The following ZNF749 variants were observed in gnomAD, a reference collection of about 807,000 sequenced individuals.
ZNF749 encodes the protein zinc finger protein 749.
Under a neutral mutation model 7.3 loss-of-function variants are expected in ZNF749, and 8 were observed. The observed-to-expected ratio is 1.10, with a 90% confidence interval of 0.64 to 1.98. ZNF749 has a LOEUF of 1.98. Ranked by LOEUF, ZNF749 falls within the 30% of genes most tolerant of loss-of-function variation. ZNF749 has a pLI of 0.00. For synonymous variants in ZNF749, 310 were observed against 322.4 expected (o/e 0.96, Z 0.41); for missense variants, 898 against 932.4 (o/e 0.96, Z 0.48).
At position 57,442,519 on chromosome 19, in the gene ZNF749, C is replaced by T. The variant is rs1435033267; in HGVS notation, c.142+508C>T. On this transcript the variant is annotated intron_variant, in intron 2 of 2. Coordinates refer to ENST00000334181, the MANE Select transcript of ZNF749 (RefSeq NM_001023561.4). This position sits in a 1 kb window ranked among gnomAD's most constrained non-coding sequence, Gnocchi z 6.6. ...TTATTGCTCTGTGTACATGCTGTCC[C>T]CTCCCTTTCCCTGCCTTTCCCGTAG... is the stretch of plus-strand genomic sequence containing the variant. Among the ~76,000 whole-genome samples the T allele has an allele frequency of 1.3e-5, 2 of 152,134 alleles. No individual in the cohort carries two copies. The highest frequency in any genetic ancestry group is 2.4e-5 in the African/African-American group (1 of 41,412).
chr19:57,434,452 A>G (rs10411904), upstream of ZNF749, among the ~76,000 whole-genome samples: 49,148 of 151,574 alleles, frequency 0.32, 9,091 homozygotes, highest in African/African-American at 0.51. Flanking sequence ...TTAGATACAA[A>G]CTCTTTCAAC....
Position 57,445,192 on chromosome 19 carries a change from A to AATGTAG in ZNF749, c.2044_2045insATGTAG (p.Thr682delinsAsnValAla), listed in dbSNP as rs749175831. 1.2e-6 allele frequency: 2 copies of AATGTAG among 1,614,170 alleles called. No individual in the cohort carries two copies. The highest frequency in any genetic ancestry group is 2.2e-5 in the South Asian group (2 of 91,082). ...TGGGAAGTTTCTTAGATACCGCTCTACATTCATTAAACATCATAAAGTTTG... is the reference window on the plus strand; with the variant it reads ...TGGGAAGTTTCTTAGATACCGCTCTAATGTAGCATTCATTAAACATCATAAAGTTTG... On this transcript the variant is annotated protein_altering_variant, in exon 3 of 3. Coordinates refer to ENST00000334181, the MANE Select transcript of ZNF749 (RefSeq NM_001023561.4).
At position 57,435,372 on chromosome 19, in the gene ZNF749, T is replaced by A; in HGVS notation, c.-207T>A. On this transcript the variant is annotated 5_prime_UTR_variant, in exon 1 of 3. Transcript: ENST00000334181. ...TTGCGTTAGCATGGCTACCTAGGGA[T>A]CTGTTCACTGATTTAGAGGGTCCCA... 1 of 698,750 alleles carries A rather than the reference T, an allele frequency of 1.4e-6. No homozygotes were observed. The highest frequency in any genetic ancestry group is 2.4e-6 in the Non-Finnish European group (1 of 418,972). 43.3% of individuals were successfully genotyped at this position (698,750 alleles called of 1,614,324 possible).
chr19:57,437,813 A>G (rs767641612), intron 1 of ZNF749, among the ~76,000 whole-genome samples: 4 of 152,098 alleles, frequency 2.6e-5, no homozygotes, highest in Non-Finnish European at 5.9e-5. Flanking sequence ...TTAATCCTAT[A>G]GAAAGTAATG....
chr19:57,432,594 G>A (rs368342857), upstream of ZNF749, among the ~76,000 whole-genome samples: 556 of 142,818 alleles, frequency 3.9e-3, 9 homozygotes, highest in African/African-American at 0.014. Context: ...AGGTGGGGGG[G>A]ACTAAACAGA....
intron 1 of ZNF749, 26 bp from the exon 2 acceptor site, chr19:57,441,859 A>G: frequency 6.2e-7 from 1 of 1,613,708 alleles, no homozygotes; most frequent in Non-Finnish European, 8.5e-7. Context: ...AGTTGTTCAT[A>G]GACTGAAGTG....
upstream of ZNF749, among the ~76,000 whole-genome samples, chr19:57,432,432 C>G (rs1184363054): frequency 6.6e-6 from 1 of 151,028 alleles, no homozygotes; most frequent in Admixed American, 6.6e-5. Context: ...TGTGGTGGCA[C>G]GAGCCTGTAG....
chr19:57,445,101 T>C lies in ZNF749; in HGVS notation c.1953T>C (p.Asp651=), dbSNP rs531810343. ...ECSECGKFFR[D]SYKLIIHQRV... is the part of the protein sequence containing the mutation. Reference sequence around the variant, plus strand: ...GTGAATGTGGGAAATTTTTTAGAGATAGCTACAAACTCATTATTCATCAGA... The same window carrying C: ...GTGAATGTGGGAAATTTTTTAGAGACAGCTACAAACTCATTATTCATCAGA... Residue 651 remains aspartate, a synonymous_variant, in exon 3 of 3, where the codon GAT becomes GAC. Coordinates refer to ENST00000334181, the MANE Select transcript of ZNF749 (RefSeq NM_001023561.4). The C allele has an allele frequency of 3.4e-5, 55 of 1,613,360 alleles. 1 individual carries two copies. In the South Asian group the frequency reaches 5.6e-4, roughly 16 times the overall value.
rs978780421 is a variant in ZNF749 at position 57,439,668 on chromosome 19, G to T, written c.16-2217G>T. Among the ~76,000 whole-genome samples the T allele has an allele frequency of 6.6e-6, 1 of 152,124 alleles. No homozygotes were observed. Among genetic ancestry groups the T allele is most frequent in the African/African-American group, 2.4e-5 (1 of 41,406 alleles). The stretch of plus-strand genomic sequence containing the variant: ...GCTAATCGGCGTGCTGAGGCAGGAG[G>T]GTCACCTGAGCCTGGGAAGTAAAGG... On this transcript the variant is annotated intron_variant, in intron 1 of 2. Coordinates refer to ENST00000334181, the MANE Select transcript of ZNF749 (RefSeq NM_001023561.4). The surrounding 1 kb of genome is among the most constrained non-coding windows in gnomAD (Gnocchi z 4.3).
chr19:57,440,811 C>A (rs1487512195), intron 1 of ZNF749, among the ~76,000 whole-genome samples: 2 of 151,796 alleles, frequency 1.3e-5, no homozygotes, highest in African/African-American at 2.4e-5. Flanking sequence ...ATCTGGAGAC[C>A]CCAAGGAAAT....
Position 57,442,684 on chromosome 19 carries a change from G to A in ZNF749, c.143-607G>A, listed in dbSNP as rs1227274510. On this transcript the variant is annotated intron_variant, in intron 2 of 2. Coordinates refer to ENST00000334181, the MANE Select transcript of ZNF749 (RefSeq NM_001023561.4). The surrounding 1 kb of genome is among the most constrained non-coding windows in gnomAD (Gnocchi z 6.6). ...GCCCTGGTGGGTGAAAGCTGGGAAA[G>A]GATGTGATATCAAGGCTGGGTTCAA... 6.6e-6 allele frequency among the ~76,000 whole-genome samples: 1 copy of A among 152,140 alleles called. No individual in the cohort carries two copies. The highest frequency in any genetic ancestry group is 1.5e-5 in the Non-Finnish European group (1 of 68,032).
At position 57,439,643 on chromosome 19, in the gene ZNF749, G is replaced by A. The variant is rs2088968775; in HGVS notation, c.16-2242G>A. ...GTGGTGGCGTCTCTCTGTGGTCTCA[G>A]CTAATCGGCGTGCTGAGGCAGGAGG... On this transcript the variant is annotated intron_variant, in intron 1 of 2. Transcript: ENST00000334181. The surrounding 1 kb of genome is among the most constrained non-coding windows in gnomAD (Gnocchi z 4.3). Among the ~76,000 whole-genome samples the A allele has an allele frequency of 1.3e-5, 2 of 152,042 alleles. No individual in the cohort carries two copies. Among genetic ancestry groups the A allele is most frequent in the African/African-American group, 4.8e-5 (2 of 41,376 alleles).
At position 57,436,607 on chromosome 19, in the gene ZNF749, G is replaced by A. The variant is rs2088938718; in HGVS notation, c.15+1014G>A. 6.6e-6 allele frequency among the ~76,000 whole-genome samples: 1 copy of A among 152,198 alleles called. No individual in the cohort carries two copies. Among genetic ancestry groups the A allele is most frequent in the Non-Finnish European group, 1.5e-5 (1 of 68,038 alleles). Reference sequence around the variant, plus strand: ...TCACTCCACCCTTCTAACTCAGCTGGCCCTGAGGGCCACTCTTTAGGGAAC... The same window carrying A: ...TCACTCCACCCTTCTAACTCAGCTGACCCTGAGGGCCACTCTTTAGGGAAC... On this transcript the variant is annotated intron_variant, in intron 1 of 2. Transcript: ENST00000334181. This position sits in a 1 kb window ranked among gnomAD's most constrained non-coding sequence, Gnocchi z 4.0.
At chr19:57,437,310 A>G (rs2088945129) in intron 1 of ZNF749, among the ~76,000 whole-genome samples, 1 of 152,232 alleles carries the variant, frequency 6.6e-6, no homozygotes, top group Non-Finnish European at 1.5e-5. Flanking sequence ...CACATAGGCA[A>G]TTGGAAATAG....
In ZNF749 at chr19:57,439,883, C is replaced by T. The variant is rs1423079309; in HGVS notation, c.16-2002C>T. On this transcript the variant is annotated intron_variant, in intron 1 of 2. Coordinates refer to ENST00000334181, the MANE Select transcript of ZNF749 (RefSeq NM_001023561.4). The surrounding 1 kb of genome is among the most constrained non-coding windows in gnomAD (Gnocchi z 4.3). ...TCATTGGAGGTGTTCAGGAAGGAGACATCCACTACATGATAGCTGAACTGT... is the reference window on the plus strand; with the variant it reads ...TCATTGGAGGTGTTCAGGAAGGAGATATCCACTACATGATAGCTGAACTGT... Among the ~76,000 whole-genome samples, 2 of 152,154 alleles carry T rather than the reference C, an allele frequency of 1.3e-5. No individual in the cohort carries two copies. The highest frequency in any genetic ancestry group is 2.9e-5 in the Non-Finnish European group (2 of 68,038).
intron 1 of ZNF749, among the ~76,000 whole-genome samples, chr19:57,437,140 G>A (rs1035896401): frequency 5.9e-5 from 9 of 152,120 alleles, no homozygotes; most frequent in Admixed American, 3.9e-4. Flanking sequence ...CAGCTAGTCA[G>A]GAACAGAATG....
Position 57,444,300 on chromosome 19 carries a change from C to T in ZNF749, c.1152C>T (p.Cys384=). The change falls in exon 3 of 3, where the codon TGC becomes TGT. Residue 384 remains cysteine, a synonymous_variant. Transcript: ENST00000334181. ...ATACTGGAGAAAGGCCTTTTGAATGCAGCATATGTGGAAAATTCTTTAGTC... is the reference window on the plus strand; with the variant it reads ...ATACTGGAGAAAGGCCTTTTGAATGTAGCATATGTGGAAAATTCTTTAGTC... The part of the protein sequence containing the change: ...RVHTGERPFE[C]SICGKFFSHR... The T allele has an allele frequency of 6.2e-7, 1 of 1,614,188 alleles. No homozygotes were observed. The highest frequency in any genetic ancestry group is 8.5e-7 in the Non-Finnish European group (1 of 1,180,028).
At position 57,435,412 on chromosome 19, in the gene ZNF749, G is replaced by T; in HGVS notation, c.-167G>T. 1.0e-6 allele frequency: 1 copy of T among 996,322 alleles called. No individual in the cohort carries two copies. Among genetic ancestry groups the T allele is most frequent in the Non-Finnish European group, 1.5e-6 (1 of 664,036 alleles). 61.7% of individuals were successfully genotyped at this position (996,322 alleles called of 1,614,324 possible). On this transcript the variant is annotated 5_prime_UTR_variant, in exon 1 of 3. Coordinates refer to ENST00000334181, the MANE Select transcript of ZNF749 (RefSeq NM_001023561.4). The stretch of plus-strand genomic sequence containing the variant: ...AGAGGGTCCCAGAGCTCTGGGTCGG[G>T]ACTGAGGTGAAAGAGCGGAAAAACG...
rs377208836 is a variant in ZNF749, at chr19:57,444,635, C to T, written c.1487C>T (p.Ala496Val). Residue 496 changes from alanine to valine, a missense_variant, in exon 3 of 3, where the codon GCT (alanine) becomes GTT (valine). Transcript: ENST00000334181. ...SECGKAFLTQ[A>V]HLVGHQKIHT... is the part of the protein sequence containing the mutation. Reference sequence around the variant, plus strand: ...TGTGGGAAGGCCTTCCTTACACAGGCTCATCTGGTTGGTCACCAGAAAATC... The same window carrying T: ...TGTGGGAAGGCCTTCCTTACACAGGTTCATCTGGTTGGTCACCAGAAAATC... The T allele has an allele frequency of 8.6e-5, 138 of 1,611,508 alleles. No individual in the cohort carries two copies. Among genetic ancestry groups the T allele is most frequent in the Admixed American group, 1.7e-5 (1 of 59,608 alleles).
Sources: gnomAD v4.1 joint callset for allele counts (sites outside exome capture counted in the v4.1 genomes callset) on GRCh38, gnomAD v4.1.1 for gene constraint, Gnocchi (gnomAD v3.1) non-coding constraint, MANE v1.5 for transcripts, NCBI Gene and HGNC (gene_info 2026-07-23, HGNC 2026-07-21) for gene names.